PKP4: variants seen among roughly 807,000 people sequenced by gnomAD.
The protein encoded by PKP4 is plakophilin-4.
A neutral mutation model predicts 145.1 loss-of-function variants in PKP4; 90 were observed. The observed-to-expected ratio is 0.62, with a 90% CI of 0.52 to 0.74. The LOEUF (loss-of-function observed/expected upper bound fraction) is 0.74, where lower values mean the gene tolerates loss of function less well. PKP4 is among the 30% of genes least tolerant of loss of function. The pLI, the probability that PKP4 is intolerant of heterozygous loss-of-function variation, is 0.00. For synonymous variants in PKP4, 563 were observed against 577.2 expected, an observed-to-expected ratio of 0.98 and a Z score of 0.35; for missense variants, 1,340 against 1,482.7, an observed-to-expected ratio of 0.90 and a Z score of 1.58.
At position 158,634,236 on chromosome 2, in the gene PKP4, T is replaced by C; in HGVS notation, c.1509T>C (p.Ala503=). ...NYNRLQHAVP[A]DDGTTRSPSI... ...ACAGGCTTCAGCATGCAGTGCCGGC[T>C]GATGATGGCACCACAAGATCCCCAT... Residue 503 remains alanine (A), a synonymous_variant, in exon 9 of 22, where the codon GCT becomes GCC. Transcript: ENST00000389759. 6.2e-6 allele frequency: 10 copies of C among 1,614,104 alleles called. No individual in the cohort carries two copies. Among genetic ancestry groups the C allele is most frequent in the Non-Finnish European group, 8.5e-6 (10 of 1,180,010 alleles).
chr2:158,669,687 T>C (rs1365006224), intron 16 of PKP4, 33 bp from the exon 17 acceptor site: 3 of 1,485,676 alleles, frequency 2.0e-6, no homozygotes, highest in Admixed American at 2.2e-5. Flanking sequence ...TAGTACCTTC[T>C]GGAAGTAGAA....
At chr2:158,458,777 G>C (rs1205580715) in intron 1 of PKP4, among the ~76,000 whole-genome samples, 1 of 152,002 alleles carries the variant, frequency 6.6e-6, no homozygotes, top group Non-Finnish European at 1.5e-5. Flanking sequence ...AGCACTGTTC[G>C]GTCAGCGATG....
chr2:158,556,893 T>C (rs2046141074), intron 2 of PKP4, among the ~76,000 whole-genome samples: 1 of 152,198 alleles, frequency 6.6e-6, no homozygotes, highest in Admixed American at 6.5e-5. Flanking sequence ...AGGCTTATAT[T>C]ATTTTTAAGA....
rs1446762638 is a variant in PKP4, at chr2:158,658,153, A to C, written c.1932A>C (p.Ser644=). The C allele has an allele frequency of 4.4e-6, 7 of 1,601,682 alleles. No homozygotes were observed. Among genetic ancestry groups the C allele is most frequent in the Non-Finnish European group, 6.0e-6 (7 of 1,170,706 alleles). ...TAGGAGTTCTTTGGAATTTATCCTC[A>C]TGTGATGCTGTAAAAATGACAATCA... ...LVTGVLWNLS[S]CDAVKMTIIR... Residue 644 remains serine (S), a synonymous_variant, in exon 12 of 22, where the codon TCA becomes TCC. Transcript: ENST00000389759.
intron 9 of PKP4, among the ~76,000 whole-genome samples, chr2:158,637,733 C>T (rs749825377): frequency 2.0e-5 from 3 of 152,204 alleles, no homozygotes; most frequent in African/African-American, 4.8e-5. Context: ...GCTAAATTCA[C>T]TTTTATAATT....
chr2:158,665,168 G>C (rs898357189), intron 15 of PKP4, among the ~76,000 whole-genome samples: 1 of 152,228 alleles, frequency 6.6e-6, no homozygotes, highest in Non-Finnish European at 1.5e-5. Context: ...AGTGATGACT[G>C]TAGTTCTCCA....
chr2:158,465,894 G>A (rs904566189), intron 1 of PKP4, among the ~76,000 whole-genome samples: 14 of 152,166 alleles, frequency 9.2e-5, no homozygotes, highest in Non-Finnish European at 4.4e-5. Flanking sequence ...CAACTCAGAT[G>A]TTAAAGGTCT....
Position 158,631,743 on chromosome 2 carries a change from G to T in PKP4, c.1154-10G>T. ...CTCAGTTCTTAACGATGTAATTTTT[G>T]TGCCTCTAGGCTTACGGAGTTCCTA... On this transcript the variant is annotated splice_polypyrimidine_tract_variant and intron_variant, in intron 7 of 21. Transcript: ENST00000389759. 1 of 1,610,990 alleles carries T rather than the reference G, an allele frequency of 6.2e-7. No individual in the cohort carries two copies. Among genetic ancestry groups the T allele is most frequent in the Non-Finnish European group, 8.5e-7 (1 of 1,177,354 alleles).
intron 6 of PKP4, among the ~76,000 whole-genome samples, chr2:158,623,328 C>A (rs1414398907): frequency 6.6e-6 from 1 of 152,108 alleles, no homozygotes; most frequent in Non-Finnish European, 1.5e-5. Flanking sequence ...GCACATGCCA[C>A]CATGCCCAGC....
At chr2:158,595,463 A>G (rs1291066608) in intron 3 of PKP4, among the ~76,000 whole-genome samples, 1 of 152,198 alleles carries the variant, frequency 6.6e-6, no homozygotes, top group Non-Finnish European at 1.5e-5. Flanking sequence ...TATTCTCAGC[A>G]TAAATTCACG....
intron 6 of PKP4, among the ~76,000 whole-genome samples, 180 bp from the exon 7 acceptor site, chr2:158,624,689 AAACTAAAAC>A (rs2052583910): frequency 6.6e-6 from 1 of 152,072 alleles, no homozygotes; most frequent in Non-Finnish European, 1.5e-5. Context: ...AAAAAAAAAA[AAACTAAAAC>A]AACTAAAGCA....
chr2:158,591,369 A>C (rs2049264270), intron 3 of PKP4, among the ~76,000 whole-genome samples: 1 of 152,234 alleles, frequency 6.6e-6, no homozygotes, highest in South Asian at 2.1e-4. Flanking sequence ...ATTTAGAGAT[A>C]CATTTCAAGT....
intron 20 of PKP4, chr2:158,677,200 T>G: frequency 2.8e-6 from 1 of 359,492 alleles, no homozygotes; most frequent in Non-Finnish European, 5.4e-6. Context: ...TCTCTGTGTT[T>G]TCCACATGCA....
chr2:158,462,674 G>T (rs1689945966), intron 1 of PKP4, among the ~76,000 whole-genome samples: 1 of 152,174 alleles, frequency 6.6e-6, no homozygotes, highest in Non-Finnish European at 1.5e-5. Flanking sequence ...TACTCAGTGA[G>T]GCTCATGAAG....
At chr2:158,529,282 TATAGCCTAAAAAGCCTCCTTC>T (rs1343625168) in intron 1 of PKP4, among the ~76,000 whole-genome samples, 1 of 152,338 alleles carries the variant, frequency 6.6e-6, no homozygotes, top group East Asian at 1.9e-4. Context: ...CTCTTGGGAT[TATAGCCTAAAAAGCCTCCTTC>T]AGAGGCTTAT....
In PKP4 at chr2:158,666,580, A is replaced by T. The variant is rs1228889559; in HGVS notation, c.2728+17A>T. On this transcript the variant is annotated intron_variant, in intron 16 of 21. Coordinates refer to ENST00000389759, the MANE Select transcript of PKP4 (RefSeq NM_003628.6). ...AGCTCATAGGTATGTTCTGGTGACA[A>T]GATGAGCTGTAAATGTGAGAGCAGC... 2 of 1,585,044 alleles carry T rather than the reference A, an allele frequency of 1.3e-6. No homozygotes were observed. The highest frequency in any genetic ancestry group is 2.4e-5 in the South Asian group (2 of 85,048).
At chr2:158,612,049 G>A (rs1391512359) in intron 4 of PKP4, among the ~76,000 whole-genome samples, 1 of 149,436 alleles carries the variant, frequency 6.7e-6, no homozygotes, top group African/African-American at 2.5e-5. Context: ...AAGAATCTGA[G>A]TAAAAGGTAG....
At chr2:158,621,653 GGAGAA>G (rs2052261977) in intron 6 of PKP4, among the ~76,000 whole-genome samples, 1 of 151,852 alleles carries the variant, frequency 6.6e-6, no homozygotes, top group Non-Finnish European at 1.5e-5. Flanking sequence ...GGCTGAGGCA[GGAGAA>G]TCACTTGAGC....
At chr2:158,560,837 G>A (rs2046452273) in intron 2 of PKP4, among the ~76,000 whole-genome samples, 1 of 152,142 alleles carries the variant, frequency 6.6e-6, no homozygotes, top group Admixed American at 6.5e-5. Flanking sequence ...TAAGTGACTT[G>A]TCTAATATTA....
Sources: gnomAD v4.1 joint callset for allele counts (sites outside exome capture counted in the v4.1 genomes callset) on GRCh38, gnomAD v4.1.1 for gene constraint, MANE v1.5 for transcripts, NCBI Gene and HGNC (gene_info 2026-07-23, HGNC 2026-07-21) for gene names.